The following MRPL45 variants were observed in gnomAD, a reference collection of about 807,000 sequenced individuals.
MRPL45 encodes large ribosomal subunit protein mL45.
A neutral mutation model predicts 38.1 loss-of-function variants in MRPL45; 20 were observed. The ratio of observed to expected loss-of-function variants is 0.53; its 90% CI spans 0.37 to 0.76. MRPL45 has a LOEUF of 0.76. MRPL45 is among the 30% of genes least tolerant of loss of function. The pLI is 0.00. For missense variants in MRPL45, 337 were observed against 395.6 expected (o/e 0.85, Z 1.26); for synonymous variants, 105 against 128.8 (o/e 0.82, Z 1.25).
Position 38,297,195 on chromosome 17 carries a change from C to T in MRPL45, c.12C>T (p.Pro4=), listed in dbSNP as rs755739399. 13 of 1,614,248 alleles carry T rather than the reference C, an allele frequency of 8.1e-6. No homozygotes were observed. In the East Asian group the frequency reaches 1.3e-4, roughly 17 times the overall value. Reference sequence around the variant, plus strand: ...TTTGCGGGAACAAGATGGCAGCCCCCATACCTCAAGGGTTCTCTTGTTTAT... The same window carrying T: ...TTTGCGGGAACAAGATGGCAGCCCCTATACCTCAAGGGTTCTCTTGTTTAT... The part of the protein sequence containing the change: MAA[P]IPQGFSCLSR... The change falls in exon 1 of 8, where the codon CCC becomes CCT. Residue 4 remains proline, a synonymous_variant. Coordinates refer to ENST00000613675, the MANE Select transcript of MRPL45 (RefSeq NM_032351.6).
Position 38,297,268 on chromosome 17 carries a change from G to A in MRPL45, c.66+19G>A, listed in dbSNP as rs1329266405. The A allele has an allele frequency of 3.4e-5, 54 of 1,609,946 alleles. No homozygotes were observed. Among genetic ancestry groups the A allele is most frequent in the Non-Finnish European group, 4.3e-5 (51 of 1,176,472 alleles). On this transcript the variant is annotated intron_variant, in intron 1 of 7. Transcript: ENST00000613675. ...TCGGCAGGTGGGTAGGGACGGGGCC[G>A]ATAGGACCCTAGGGGCTACAGGAGA...
At chr17:38,311,186 C>T (rs1437203985) in intron 4 of MRPL45, among the ~76,000 whole-genome samples, 1 of 152,166 alleles carries the variant, frequency 6.6e-6, no homozygotes, top group Non-Finnish European at 1.5e-5. Context: ...TTGCCCTCTT[C>T]CCTTATCACC....
intron 3 of MRPL45, among the ~76,000 whole-genome samples, chr17:38,305,468 CAA>C (rs570891836): frequency 3.7e-4 from 42 of 112,332 alleles, no homozygotes; most frequent in African/African-American, 5.3e-4. Context: ...GACTCTGTCT[CAA>C]AAAAAAAAAA....
chr17:38,312,993 T>TC (rs2037127721), intron 4 of MRPL45, among the ~76,000 whole-genome samples: 1 of 144,034 alleles, frequency 6.9e-6, no homozygotes, highest in African/African-American at 2.6e-5. Context: ...GGTTTTTTTT[T>TC]TTTTTTTTTG....
At chr17:38,302,505 A>AAAT (rs1567713066) in intron 3 of MRPL45, among the ~76,000 whole-genome samples, 2 of 50,588 alleles carry the variant, frequency 4.0e-5, no homozygotes, top group Non-Finnish European at 4.9e-5. Flanking sequence ...AAAAAAAAAA[A>AAAT]GTTTGTTTTT....
rs755641739 is a variant in MRPL45 at position 38,320,650 on chromosome 17, C to T, written c.543C>T (p.Val181=). The part of the protein sequence containing the change: ...DMTWDIKYKT[V]RWSFVESLEP... ...CTTGGGACATCAAATATAAGACCGTCCGCTGGAGCTTTGTGGAATCTTTAG... is the reference window on the plus strand; with the variant it reads ...CTTGGGACATCAAATATAAGACCGTTCGCTGGAGCTTTGTGGAATCTTTAG... The change falls in exon 6 of 8, where the codon GTC becomes GTT. Residue 181 remains valine, a synonymous_variant. Transcript: ENST00000613675. The T allele has an allele frequency of 6.2e-7, 1 of 1,614,166 alleles. No homozygotes were observed.
At chr17:38,308,614 T>A (rs1378556184) in intron 4 of MRPL45, among the ~76,000 whole-genome samples, 1 of 151,874 alleles carries the variant, frequency 6.6e-6, no homozygotes. Context: ...CTATTTTCTG[T>A]ATTTTTAATA....
intron 7 of MRPL45, 74 bp from the exon 8 acceptor site, chr17:38,322,435 G>A: frequency 2.6e-6 from 3 of 1,166,786 alleles, no homozygotes; most frequent in South Asian, 2.7e-5. Flanking sequence ...TGGGTGGGTG[G>A]GAGCAAGGGA....
chr17:38,298,311 A>AT (rs940152359), intron 1 of MRPL45, 138 bp from the exon 2 acceptor site: 48 of 646,500 alleles, frequency 7.4e-5, no homozygotes, highest in African/African-American at 6.1e-4. Flanking sequence ...GTCCTAATGC[A>AT]TTTTTTCCCT....
intron 4 of MRPL45, among the ~76,000 whole-genome samples, chr17:38,313,351 T>TATATATATATACACATATATATATATAC (rs2037141991): frequency 2.5e-4 from 5 of 20,038 alleles, no homozygotes; most frequent in African/African-American, 1.2e-3. Flanking sequence ...TATATACGTA[T>TATATATATATACACATATATATATATAC]ATATATATAT....
chr17:38,308,938 C>T (rs1422022128), intron 4 of MRPL45, among the ~76,000 whole-genome samples: 2 of 150,148 alleles, frequency 1.3e-5, no homozygotes, highest in Non-Finnish European at 1.5e-5. Flanking sequence ...GACAGAGTCT[C>T]GCTCTGTCAC....
At position 38,299,902 on chromosome 17, in the gene MRPL45, A is replaced by G. The variant is rs563619978; in HGVS notation, c.362+434A>G. ...CAGGCATGTGCCACCATGCCCGGCT[A>G]ATTTTGTATTTTTAGTAGAGATGTG... is the stretch of plus-strand genomic sequence containing the variant. On this transcript the variant is annotated intron_variant, in intron 3 of 7. Transcript: ENST00000613675. Among the ~76,000 whole-genome samples the G allele has an allele frequency of 3.3e-5, 5 of 150,778 alleles. No individual in the cohort carries two copies. In the East Asian group the frequency reaches 9.7e-4, roughly 29 times the overall value.
At position 38,318,822 on chromosome 17, in the gene MRPL45, C is replaced by CTTTTTTT. The variant is rs1454412319; in HGVS notation, c.510+91_510+92insTTTTTTT. 5.4e-5 allele frequency: 31 copies of CTTTTTTT among 578,206 alleles called. No homozygotes were observed. The African/African-American group carries it at 7.1e-4, about 13-fold the overall frequency. 35.8% of individuals were successfully genotyped at this position (578,206 alleles called of 1,614,324 possible). A position where few individuals can be genotyped will look rare whatever the true frequency, so the allele number is the denominator to read the frequency against. On this transcript the variant is annotated intron_variant, in intron 5 of 7. Coordinates refer to ENST00000613675, the MANE Select transcript of MRPL45 (RefSeq NM_032351.6). ...TCTGGTTTTTCTTTTCTTTTCTTTT[C>CTTTTTTT]TTTTCTTTTTTTTTTTTTTTTTGAG...
At chr17:38,307,642 G>T (rs1418350210) in intron 4 of MRPL45, among the ~76,000 whole-genome samples, 1 of 151,996 alleles carries the variant, frequency 6.6e-6, no homozygotes, top group African/African-American at 2.4e-5. Context: ...ACCATACCTG[G>T]CCACCCAGCT....
chr17:38,312,623 T>C (rs542723175), intron 4 of MRPL45, among the ~76,000 whole-genome samples: 6 of 152,256 alleles, frequency 3.9e-5, no homozygotes, highest in Non-Finnish European at 8.8e-5. Context: ...TCCAGCACTT[T>C]TGGAGGCCGA....
At position 38,298,632 on chromosome 17, in the gene MRPL45, G is replaced by A. The variant is rs1443371627; in HGVS notation, c.244+6G>A. 1.3e-6 allele frequency: 2 copies of A among 1,595,944 alleles called. No individual in the cohort carries two copies. Among genetic ancestry groups the A allele is most frequent in the Non-Finnish European group, 1.7e-6 (2 of 1,166,408 alleles). ...CATACATCTGGCCTGTACAGGTGAG[G>A]TATTTCTGGGACCCTGACCTGGGAT... On this transcript the variant is annotated splice_donor_region_variant and intron_variant, in intron 2 of 7. Coordinates refer to ENST00000613675, the MANE Select transcript of MRPL45 (RefSeq NM_032351.6).
At chr17:38,309,535 A>G (rs1380358477) in intron 4 of MRPL45, among the ~76,000 whole-genome samples, 2 of 41,282 alleles carry the variant, frequency 4.8e-5, no homozygotes, top group Admixed American at 8.0e-4. Flanking sequence ...AAAAAAAAAA[A>G]AAAAAAGATT....
rs745793438 is a variant in MRPL45, at chr17:38,319,358, C to T, written c.510+623C>T. On this transcript the variant is annotated intron_variant, in intron 5 of 7. Transcript: ENST00000613675. ...CCTAATTTTGTATTTTTAGTAGAGA[C>T]GGGGTTTCTCCCGTTGGTCAGGCTG... 9.2e-5 allele frequency among the ~76,000 whole-genome samples: 14 copies of T among 151,698 alleles called. 1 individual carries two copies. The highest frequency in any genetic ancestry group is 4.6e-4 in the Admixed American group (7 of 15,206).
intron 2 of MRPL45, 118 bp downstream of exon 2, chr17:38,298,744 A>C: frequency 1.4e-6 from 2 of 1,467,482 alleles, no homozygotes; most frequent in Non-Finnish European, 1.9e-6. Flanking sequence ...TTCAACCTCA[A>C]TAATGATTAA....
Sources: allele counts gnomAD v4.1 joint callset (sites outside exome capture counted in the v4.1 genomes callset), GRCh38; gene constraint gnomAD v4.1.1; transcripts MANE v1.5; gene names NCBI Gene and HGNC (gene_info 2026-07-23, HGNC 2026-07-21).